Variants in DNAJC10 observed in about 807,000 individuals in gnomAD.
The protein encoded by DNAJC10 is DnaJ heat shock protein family (Hsp40) member C10.
Under a neutral mutation model 115.0 loss-of-function variants are expected in DNAJC10, and 101 were observed. That is an observed-to-expected ratio of 0.88 (90% CI 0.75 to 1.04). The LOEUF is 1.04. Ranked by LOEUF, DNAJC10 falls within the 50% of genes least tolerant of loss-of-function variation. The pLI is 0.00. For missense variants in DNAJC10, 981 were observed against 928.8 expected (o/e 1.06, Z -0.73); for synonymous variants, 307 against 301.5 (o/e 1.02, Z -0.19).
intron 21 of DNAJC10, among the ~76,000 whole-genome samples, chr2:182,759,598 ACT>A (rs1298627198): frequency 6.6e-6 from 1 of 151,936 alleles, no homozygotes; most frequent in Non-Finnish European, 1.5e-5. Flanking sequence ...CCACCCCAGT[ACT>A]CTGTTGCCCT....
In DNAJC10 at chr2:182,791,347, T is replaced by G. The variant is rs1470089999; in HGVS notation, c.*14215T>G. On this transcript the variant is annotated 3_prime_UTR_variant, in exon 24 of 24. Coordinates refer to ENST00000264065, the MANE Select transcript of DNAJC10 (RefSeq NM_018981.4). Reference sequence around the variant, plus strand: ...AAATTAAGAGAGATATGTATTCAGGTGGCCATTTATACACAATATTTTTGA... The same window carrying G: ...AAATTAAGAGAGATATGTATTCAGGGGGCCATTTATACACAATATTTTTGA... 1.3e-5 allele frequency: 2 copies of G among 152,140 alleles called. No homozygotes were observed. Among genetic ancestry groups the G allele is most frequent in the Non-Finnish European group, 2.9e-5 (2 of 68,020 alleles). The allele number at this position is 152,140 out of a possible 1,614,324, so 9.4% of individuals were successfully genotyped here. A position where few individuals can be genotyped will look rare whatever the true frequency, so the allele number is the denominator to read the frequency against.
In DNAJC10 at chr2:182,728,881, G is replaced by C. The variant is rs763961102; in HGVS notation, c.520G>C (p.Glu174Gln). Reference protein sequence around the residue: ...LAPTWRDFAKEVDGLLRIGAV... With the variant: ...LAPTWRDFAKQVDGLLRIGAV... The stretch of plus-strand genomic sequence containing the variant: ...GTCATAGTGGAGAGACTTTGCTAAA[G>C]AAGTGGATGGGTTACTTCGAATTGG... The change falls in exon 7 of 24, where the codon GAA becomes CAA. Residue 174 changes from glutamate (E) to glutamine (Q), a missense_variant. Glu to Gln is a conservative substitution (Grantham distance 29). Transcript: ENST00000264065. 2 of 1,614,092 alleles carry C rather than the reference G, an allele frequency of 1.2e-6. No homozygotes were observed. The highest frequency in any genetic ancestry group is 1.7e-6 in the Non-Finnish European group (2 of 1,179,980).
At chr2:182,761,516 G>T (rs763951608) in intron 21 of DNAJC10, among the ~76,000 whole-genome samples, 1 of 152,086 alleles carries the variant, frequency 6.6e-6, no homozygotes, top group Non-Finnish European at 1.5e-5. Flanking sequence ...GAAGTGAGAG[G>T]TGATAACTTT....
intron 22 of DNAJC10, among the ~76,000 whole-genome samples, chr2:182,764,994 C>T (rs1034091649): frequency 4.6e-5 from 7 of 152,170 alleles, no homozygotes; most frequent in Admixed American, 3.9e-4. Context: ...GCTCTTGATG[C>T]AGCGCAGGCT....
rs1447803095 is a variant in DNAJC10 at position 182,790,460 on chromosome 2, A to T, written c.*13328A>T. On this transcript the variant is annotated 3_prime_UTR_variant, in exon 24 of 24. Transcript: ENST00000264065. Reference sequence around the variant, plus strand: ...TAAAATGTCAGATGTAAAAGCGAATATCTAATGAAGCACCTTTTCCCTTTT... The same window carrying T: ...TAAAATGTCAGATGTAAAAGCGAATTTCTAATGAAGCACCTTTTCCCTTTT... 1 of 152,176 alleles carries T rather than the reference A, an allele frequency of 6.6e-6. No individual in the cohort carries two copies. The highest frequency in any genetic ancestry group is 6.5e-5 in the Admixed American group (1 of 15,270). The allele number at this position is 152,176 out of a possible 1,614,324, so 9.4% of individuals were successfully genotyped here.
chr2:182,744,291 A>C (rs940524929), intron 14 of DNAJC10, among the ~76,000 whole-genome samples: 1 of 152,206 alleles, frequency 6.6e-6, no homozygotes, highest in Non-Finnish European at 1.5e-5. Context: ...AGTTAAGTGA[A>C]CAACAGATAC....
chr2:182,720,237 A>G (rs1262174638), intron 4 of DNAJC10, 68 bp downstream of exon 4: 2 of 1,300,080 alleles, frequency 1.5e-6, no homozygotes, highest in Non-Finnish European at 2.2e-6. Flanking sequence ...ATTCTGTTTC[A>G]CCACTTAGCT....
At chr2:182,743,393 ACT>A (rs1426713887) in intron 13 of DNAJC10, among the ~76,000 whole-genome samples, 1 of 151,718 alleles carries the variant, frequency 6.6e-6, no homozygotes, top group Non-Finnish European at 1.5e-5. Flanking sequence ...GTTTTTTTTA[ACT>A]CTCTAGGAAG....
At chr2:182,746,223 A>G (rs1371220418) in intron 14 of DNAJC10, among the ~76,000 whole-genome samples, 2 of 152,208 alleles carry the variant, frequency 1.3e-5, no homozygotes, top group African/African-American at 2.4e-5. Flanking sequence ...TTGTAGCAGC[A>G]TGATTTATAA....
In DNAJC10 at chr2:182,781,015, C is replaced by T. The variant is rs1008658682; in HGVS notation, c.*3883C>T. 1.3e-5 allele frequency: 2 copies of T among 151,780 alleles called. No individual in the cohort carries two copies. Among genetic ancestry groups the T allele is most frequent in the East Asian group, 3.9e-4 (2 of 5,158 alleles). 9.4% of individuals were successfully genotyped at this position (151,780 alleles called of 1,614,324 possible). A position where few individuals can be genotyped will look rare whatever the true frequency, so the allele number is the denominator to read the frequency against. Reference sequence around the variant, plus strand: ...CAAGTTCTGCAATACATGTGCAGAACATGCAGGTTTGTTACATAGGTATAC... The same window carrying T: ...CAAGTTCTGCAATACATGTGCAGAATATGCAGGTTTGTTACATAGGTATAC... On this transcript the variant is annotated 3_prime_UTR_variant, in exon 24 of 24. Coordinates refer to ENST00000264065, the MANE Select transcript of DNAJC10 (RefSeq NM_018981.4).
chr2:182,771,753 G>T (rs984166979), intron 22 of DNAJC10, among the ~76,000 whole-genome samples: 1 of 151,906 alleles, frequency 6.6e-6, no homozygotes, highest in East Asian at 1.9e-4. Context: ...TATCAATTTT[G>T]TTGATCTTTT....
Position 182,720,313 on chromosome 2 carries a change from G to C in DNAJC10, c.367+144G>C. Reference sequence around the variant, plus strand: ...TTTGCTGTGGGAGTGAAATTTAAAAGGAATGTCAGTTGGTATACAGAGATG... The same window carrying C: ...TTTGCTGTGGGAGTGAAATTTAAAACGAATGTCAGTTGGTATACAGAGATG... On this transcript the variant is annotated intron_variant, in intron 4 of 23. Coordinates refer to ENST00000264065, the MANE Select transcript of DNAJC10 (RefSeq NM_018981.4). 4.5e-6 allele frequency: 3 copies of C among 668,834 alleles called. 1 individual carries two copies. In the South Asian group the frequency reaches 5.6e-5, roughly 13 times the overall value. The allele number at this position is 668,834 out of a possible 1,614,324, so 41.4% of individuals were successfully genotyped here. A position where few individuals can be genotyped will look rare whatever the true frequency, so the allele number is the denominator to read the frequency against.
intron 17 of DNAJC10, among the ~76,000 whole-genome samples, chr2:182,755,954 C>G (rs1321914795): frequency 1.3e-5 from 2 of 151,982 alleles, no homozygotes; most frequent in African/African-American, 2.4e-5. Context: ...TGAGCAAAAT[C>G]CAAACTTAAA....
rs1428592884 is a variant in DNAJC10 at position 182,780,419 on chromosome 2, CTTCTGCCA to C, written c.*3289_*3296del. On this transcript the variant is annotated 3_prime_UTR_variant, in exon 24 of 24. Transcript: ENST00000264065. ...TGTGACATGCCTTCTCCCCCCGTGCCTTCTGCCATGAGTAAAAGCTCCCTGAGACCTCA... is the reference window on the plus strand; with the variant it reads ...TGTGACATGCCTTCTCCCCCCGTGCCTGAGTAAAAGCTCCCTGAGACCTCA... 2 of 152,206 alleles carry C rather than the reference CTTCTGCCA, an allele frequency of 1.3e-5. No homozygotes were observed. Among genetic ancestry groups the C allele is most frequent in the Non-Finnish European group, 2.9e-5 (2 of 68,072 alleles). 9.4% of individuals were successfully genotyped at this position (152,206 alleles called of 1,614,324 possible).
At chr2:182,758,428 G>T (rs1009142262) in intron 19 of DNAJC10, among the ~76,000 whole-genome samples, 1 of 152,152 alleles carries the variant, frequency 6.6e-6, no homozygotes, top group African/African-American at 2.4e-5. Flanking sequence ...AGAGAGGAAA[G>T]GGTCACAACT....
intron 15 of DNAJC10, 105 bp from the exon 16 acceptor site, chr2:182,751,967 G>A (rs553659012): frequency 4.6e-5 from 56 of 1,214,914 alleles, no homozygotes; most frequent in African/African-American, 3.2e-4. Flanking sequence ...AAGGTTTGCC[G>A]CTAAGTACAG....
chr2:182,719,681 A>C (rs919776345), intron 3 of DNAJC10, among the ~76,000 whole-genome samples: 1 of 152,082 alleles, frequency 6.6e-6, no homozygotes, highest in Non-Finnish European at 1.5e-5. Flanking sequence ...AATATTTATG[A>C]AATTAAGAGT....
At chr2:182,729,048 A>G (rs1018374191) in intron 7 of DNAJC10, 54 bp downstream of exon 7, 8 of 1,557,456 alleles carry the variant, frequency 5.1e-6, no homozygotes, top group Non-Finnish European at 2.7e-6. Flanking sequence ...GACAAGTTAA[A>G]TAGTAGAGAA....
intron 23 of DNAJC10, among the ~76,000 whole-genome samples, chr2:182,776,182 G>T (rs1694699150): frequency 6.6e-6 from 1 of 151,526 alleles, no homozygotes; most frequent in Non-Finnish European, 1.5e-5. Flanking sequence ...TTTAAATTTT[G>T]TTCAAATGTA....
Sources: allele counts gnomAD v4.1 joint callset (sites outside exome capture counted in the v4.1 genomes callset), GRCh38; gene constraint gnomAD v4.1.1; transcripts MANE v1.5; gene names NCBI Gene and HGNC (gene_info 2026-07-23, HGNC 2026-07-21).